Variants in NAPA observed in about 807,000 individuals in gnomAD.
NAPA encodes the protein NSF attachment protein alpha, also known as alpha-soluble NSF attachment protein.
NAPA carries 18 observed loss-of-function variants against 48.0 expected under a neutral mutation model. That is an observed-to-expected ratio of 0.38 (90% CI 0.26 to 0.56). NAPA has a LOEUF of 0.56. Among genes scored for constraint, NAPA ranks in the 20% least tolerant of loss-of-function variants. The pLI is 0.77. For synonymous variants in NAPA, 152 were observed against 149.9 expected (o/e 1.01, Z -0.10); for missense variants, 315 against 385.0 (o/e 0.82, Z 1.52).
rs371836895 is a variant in NAPA, at chr19:47,501,207, A to G, written c.179-458T>C. On this transcript the variant is annotated intron_variant, in intron 2 of 10. Transcript: ENST00000263354. Reference sequence around the variant, plus strand: ...GCCTCCTGCACCTCCCGGCCTGGGCAGTCCTCCCCAGGGGAGCCTCGAAGC... The same window carrying G: ...GCCTCCTGCACCTCCCGGCCTGGGCGGTCCTCCCCAGGGGAGCCTCGAAGC... Among the ~76,000 whole-genome samples the G allele has an allele frequency of 2.0e-5, 3 of 152,192 alleles. No homozygotes were observed. The East Asian group carries it at 5.8e-4, about 29-fold the overall frequency.
intron 7 of NAPA, chr19:47,492,760 G>T (rs984523428): frequency 2.9e-6 from 2 of 696,682 alleles, no homozygotes; most frequent in Non-Finnish European, 5.2e-6. Context: ...AGACGGTGCT[G>T]GCACGGCATG....
chr19:47,485,700 A>G (rs1773682123), downstream of NAPA, among the ~76,000 whole-genome samples: 1 of 152,224 alleles, frequency 6.6e-6, no homozygotes, highest in African/African-American at 2.4e-5. Context: ...TACATGATGG[A>G]AAGTTCTCAA....
intron 2 of NAPA, among the ~76,000 whole-genome samples, chr19:47,502,689 T>G (rs972604725): frequency 6.6e-6 from 1 of 152,222 alleles, no homozygotes; most frequent in African/African-American, 2.4e-5. Flanking sequence ...TATGATGAAA[T>G]GAGCCTCGAA....
At chr19:47,508,274 C>T (rs1314743223) in intron 1 of NAPA, among the ~76,000 whole-genome samples, 1 of 152,226 alleles carries the variant, frequency 6.6e-6, no homozygotes, top group African/African-American at 2.4e-5. Flanking sequence ...CCCTGCTAGT[C>T]CACTGACTGC....
intron 9 of NAPA, among the ~76,000 whole-genome samples, chr19:47,490,059 A>AGGTGTGTGTGTGTGT (rs776545266): frequency 1.1e-3 from 143 of 130,058 alleles, no homozygotes; most frequent in African/African-American, 3.1e-3. Context: ...TGTGTGGTGG[A>AGGTGTGTGTGTGTGT]GGTGTGTGTG....
Position 47,503,483 on chromosome 19 carries a change from C to G in NAPA, c.118G>C (p.Glu40Gln). The change falls in exon 2 of 11, where the codon GAA (glutamate) becomes CAA (glutamine). Residue 40 changes from glutamate to glutamine, a missense_variant. By Grantham distance (29) the Glu-to-Gln change is conservative. This residue lies in a region of NAPA where 173 missense variants were observed against 213.5 expected (regional missense o/e 0.81). Coordinates refer to ENST00000263354, the MANE Select transcript of NAPA (RefSeq NM_003827.4). ...GLFGGSSKIE[E>Q]ACEIYARAAN... is the part of the protein sequence containing the mutation. ...GCTCTGGCGTAGATTTCGCATGCTT[C>G]CTCTATTTTGGATGAGCCTCTGGGG... The G allele has an allele frequency of 1.2e-6, 2 of 1,614,224 alleles. No homozygotes were observed. The highest frequency in any genetic ancestry group is 1.7e-6 in the Non-Finnish European group (2 of 1,180,028).
chr19:47,492,892 G>A (rs767257286), intron 7 of NAPA, 69 bp downstream of exon 7: 72 of 1,490,850 alleles, frequency 4.8e-5, no homozygotes, highest in African/African-American at 1.5e-4. Flanking sequence ...ACAAGGTGCC[G>A]GGGCTTAGGA....
Position 47,493,894 on chromosome 19 carries a change from C to G in NAPA, c.343-401G>C, listed in dbSNP as rs571014651. Among the ~76,000 whole-genome samples the G allele has an allele frequency of 3.3e-5, 5 of 152,312 alleles. No individual in the cohort carries two copies. The East Asian group carries it at 9.7e-4, about 29-fold the overall frequency. ...GTCCAGAGCCACTTGGCAAAGGGCT[C>G]TGGAGAAACCAGGATGGGAGGGAGG... On this transcript the variant is annotated intron_variant, in intron 4 of 10. Transcript: ENST00000263354. The surrounding 1 kb of genome is among the most constrained non-coding windows in gnomAD (Gnocchi z 6.4).
intron 9 of NAPA, among the ~76,000 whole-genome samples, chr19:47,490,152 GGT>G (rs755581309): frequency 1.2e-4 from 18 of 147,356 alleles, no homozygotes; most frequent in South Asian, 8.8e-4. Context: ...TGGTGTGTTC[GGT>G]GTGTGTGTGG....
In NAPA at chr19:47,493,955, C is replaced by T. The variant is rs553165945; in HGVS notation, c.343-462G>A. Among the ~76,000 whole-genome samples the T allele has an allele frequency of 1.3e-3, 191 of 152,314 alleles. No homozygotes were observed. The highest frequency in any genetic ancestry group is 4.5e-3 in the African/African-American group (187 of 41,584). On this transcript the variant is annotated intron_variant, in intron 4 of 10. Coordinates refer to ENST00000263354, the MANE Select transcript of NAPA (RefSeq NM_003827.4). This position sits in a 1 kb window ranked among gnomAD's most constrained non-coding sequence, Gnocchi z 6.4. The stretch of plus-strand genomic sequence containing the variant: ...TCTGCCCAAGAGTACCAGCTCTGCC[C>T]CCAGGCCAACACCTATCTGTCAGCC...
chr19:47,490,060 GGTGTGT>G (rs58641405), intron 9 of NAPA, among the ~76,000 whole-genome samples: 4 of 148,316 alleles, frequency 2.7e-5, no homozygotes, highest in Admixed American at 2.0e-4. Flanking sequence ...GTGTGGTGGA[GGTGTGT>G]GTGTGTGTGG....
chr19:47,504,650 TAC>T (rs1262634005), intron 1 of NAPA, among the ~76,000 whole-genome samples: 7 of 152,004 alleles, frequency 4.6e-5, no homozygotes, highest in Non-Finnish European at 1.0e-4. Flanking sequence ...TATACATATA[TAC>T]ACACACGTGT....
chr19:47,494,848 C>T (rs1430401209), intron 4 of NAPA, among the ~76,000 whole-genome samples: 2 of 151,748 alleles, frequency 1.3e-5, no homozygotes, highest in African/African-American at 2.4e-5. Context: ...TGGTCTGCAT[C>T]TGTCGTTGGC....
At chr19:47,492,299 C>G (rs893049738) in intron 7 of NAPA, 180 bp from the exon 8 acceptor site, 1 of 577,452 alleles carries the variant, frequency 1.7e-6, no homozygotes, top group African/African-American at 1.9e-5. Flanking sequence ...GCGGCCAGTG[C>G]GTGAGCGACC....
chr19:47,509,611 G>T (rs1017843868), intron 1 of NAPA, among the ~76,000 whole-genome samples: 1 of 152,180 alleles, frequency 6.6e-6, no homozygotes, highest in Non-Finnish European at 1.5e-5. Flanking sequence ...TTCCAGGCAC[G>T]CTTCCCTACT....
In NAPA at chr19:47,489,783, G is replaced by C. The variant is rs766618182; in HGVS notation, c.736-22C>G. 20 of 1,613,622 alleles carry C rather than the reference G, an allele frequency of 1.2e-5. No individual in the cohort carries two copies. The African/African-American group carries it at 2.0e-4, about 16-fold the overall frequency. ...ATTTCTGCAAGCAAATGGCAGAGAGGGGTCAGGGGCCTATGCTGACCTGAG... is the reference window on the plus strand; with the variant it reads ...ATTTCTGCAAGCAAATGGCAGAGAGCGGTCAGGGGCCTATGCTGACCTGAG... On this transcript the variant is annotated intron_variant, in intron 9 of 10. Transcript: ENST00000263354.
chr19:47,511,901 G>A (rs1179988883), intron 1 of NAPA, among the ~76,000 whole-genome samples: 2 of 152,156 alleles, frequency 1.3e-5, no homozygotes, highest in African/African-American at 2.4e-5. Context: ...ACCAGCTGCT[G>A]CAGTCCTTTC....
chr19:47,497,075 GC>G, intron 3 of NAPA: 1 of 270,732 alleles, frequency 3.7e-6, no homozygotes, highest in Non-Finnish European at 7.6e-6. Context: ...CCTGTAATCG[GC>G]GGACCCAGAA....
At chr19:47,491,913 G>T in intron 8 of NAPA, 102 bp downstream of exon 8, 2 of 1,025,662 alleles carry the variant, frequency 1.9e-6, no homozygotes, top group Non-Finnish European at 3.0e-6. Flanking sequence ...GGGGCCAGAC[G>T]TGAGGGAGGA....
Sources: allele counts gnomAD v4.1 joint callset (sites outside exome capture counted in the v4.1 genomes callset), GRCh38; gene constraint gnomAD v4.1.1; regional missense constraint gnomAD v4.1.1; non-coding constraint Gnocchi (gnomAD v3.1); transcripts MANE v1.5; gene names NCBI Gene and HGNC (gene_info 2026-07-23, HGNC 2026-07-21).